DACH1: variants seen among roughly 807,000 people sequenced by gnomAD.
DACH1 encodes the protein dachshund homolog 1.
DACH1 carries 12 observed loss-of-function variants against 54.2 expected under a neutral mutation model. The observed-to-expected ratio is 0.22, with a 90% CI of 0.14 to 0.36. DACH1 has a LOEUF of 0.36. Among genes scored for constraint, DACH1 ranks in the 10% least tolerant of loss-of-function variants. The pLI is 1.00. For missense variants in DACH1, 805 were observed against 929.8 expected (o/e 0.87, Z 1.75); for synonymous variants, 386 against 366.2 (o/e 1.05, Z -0.62).
chr13:71,639,068 A>G (rs1877706901), intron 2 of DACH1, among the ~76,000 whole-genome samples: 1 of 152,142 alleles, frequency 6.6e-6, no homozygotes, highest in Admixed American at 6.6e-5. Flanking sequence ...AAATCACTCC[A>G]AGTCTTAGAA....
chr13:71,653,010 T>C (rs1051014977), intron 2 of DACH1, among the ~76,000 whole-genome samples: 37 of 152,182 alleles, frequency 2.4e-4, no homozygotes, highest in African/African-American at 8.9e-4. Context: ...TGAGACCTCA[T>C]CTTTCTACAT....
intron 1 of DACH1, among the ~76,000 whole-genome samples, chr13:71,716,330 G>A (rs1257036509): frequency 6.6e-6 from 1 of 152,040 alleles, no homozygotes; most frequent in Admixed American, 6.6e-5. Flanking sequence ...CACATTCAGT[G>A]CCTTCTGCGA....
chr13:71,515,969 C>T (rs1012919847), intron 6 of DACH1, among the ~76,000 whole-genome samples: 3 of 151,748 alleles, frequency 2.0e-5, no homozygotes, highest in African/African-American at 7.3e-5. Context: ...ACGATTCTGC[C>T]CTCCAACTTA....
intron 1 of DACH1, among the ~76,000 whole-genome samples, chr13:71,834,931 A>C (rs1888724479): frequency 6.6e-6 from 1 of 152,144 alleles, no homozygotes; most frequent in African/African-American, 2.4e-5. Flanking sequence ...CCCTTTTCCC[A>C]CATTTGTCTT....
chr13:71,852,442 G>C, intron 1 of DACH1, among the ~76,000 whole-genome samples: 1 of 151,960 alleles, frequency 6.6e-6, no homozygotes, highest in East Asian at 1.9e-4. Context: ...TTTAAGTGAA[G>C]GAATGAACAA....
At chr13:71,531,239 CTT>C (rs1472451010) in intron 6 of DACH1, among the ~76,000 whole-genome samples, 2 of 151,892 alleles carry the variant, frequency 1.3e-5, no homozygotes, top group African/African-American at 2.4e-5. Flanking sequence ...GATTTTATGT[CTT>C]ATTAAATTAT....
At chr13:71,697,802 T>A (rs1443645912) in intron 1 of DACH1, among the ~76,000 whole-genome samples, 1 of 152,194 alleles carries the variant, frequency 6.6e-6, no homozygotes, top group Non-Finnish European at 1.5e-5. Context: ...ATAATGCATT[T>A]AATACCATTG....
intron 1 of DACH1, among the ~76,000 whole-genome samples, chr13:71,850,285 C>T (rs1354288950): frequency 2.6e-5 from 4 of 152,168 alleles, no homozygotes; most frequent in Non-Finnish European, 4.4e-5. Flanking sequence ...AATTTATGTT[C>T]ATTTCATGAG....
At chr13:71,604,479 G>A (rs1345526161) in intron 3 of DACH1, among the ~76,000 whole-genome samples, 1 of 151,858 alleles carries the variant, frequency 6.6e-6, no homozygotes, top group African/African-American at 2.4e-5. Flanking sequence ...CCATTACCAT[G>A]CACTCAGAAG....
rs922300881 is a variant in DACH1 at position 71,833,065 on chromosome 13, T to C, written c.848+32857A>G. ...GCGCTCCCTTCAGAATCTTCTGAGA[T>C]CTATGTGAATAGAACGTTTTGAAAG... On this transcript the variant is annotated intron_variant, in intron 1 of 10. Transcript: ENST00000613252. Among the ~76,000 whole-genome samples the C allele has an allele frequency of 4.6e-5, 7 of 152,060 alleles. No individual in the cohort carries two copies. In the East Asian group the frequency reaches 1.4e-3, roughly 29 times the overall value.
intron 2 of DACH1, chr13:71,675,429 A>G: frequency 6.9e-7 from 1 of 1,449,182 alleles, no homozygotes; most frequent in South Asian, 1.2e-5. Context: ...CAATTATGCC[A>G]AAAGACATCC....
At chr13:71,577,201 C>T (rs538503444) in intron 3 of DACH1, among the ~76,000 whole-genome samples, 22 of 152,240 alleles carry the variant, frequency 1.4e-4, no homozygotes, top group Admixed American at 1.3e-3. Flanking sequence ...CCAGCCTGCT[C>T]CCTTCTCCTC....
rs1386005010 is a variant in DACH1 at position 71,439,158 on chromosome 13, T to C, written c.*1497A>G. ...CATTGAAGATTTTGCTGTTTTGTGG[T>C]AATAAATAATGTTACGATCATACAA... On this transcript the variant is annotated 3_prime_UTR_variant, in exon 11 of 11. Coordinates refer to ENST00000613252, the MANE Select transcript of DACH1 (RefSeq NM_080759.6). 6.6e-6 allele frequency: 1 copy of C among 152,472 alleles called. No homozygotes were observed. Among genetic ancestry groups the C allele is most frequent in the Admixed American group, 6.6e-5 (1 of 15,238 alleles). 9.4% of individuals were successfully genotyped at this position (152,472 alleles called of 1,614,324 possible).
intron 2 of DACH1, among the ~76,000 whole-genome samples, chr13:71,645,733 C>T (rs1032781441): frequency 4.6e-5 from 7 of 152,330 alleles, no homozygotes; most frequent in Admixed American, 3.9e-4. Flanking sequence ...AGAACGTGCT[C>T]ATGCCTGCAA....
chr13:71,661,014 G>C (rs2138651700), intron 2 of DACH1, among the ~76,000 whole-genome samples: 1 of 149,204 alleles, frequency 6.7e-6, no homozygotes, highest in African/African-American at 2.4e-5. Flanking sequence ...CATTGTTATA[G>C]AAAAAGATTG....
intron 2 of DACH1, among the ~76,000 whole-genome samples, chr13:71,656,749 C>T (rs1402971288): frequency 6.7e-6 from 1 of 149,694 alleles, no homozygotes; most frequent in African/African-American, 2.5e-5. Flanking sequence ...TCAATCTGTA[C>T]CATGGGAAAG....
chr13:71,630,616 GATA>G lies in DACH1; in HGVS notation c.1063_1065del (p.Tyr355del), dbSNP rs1877024017. 6.2e-7 allele frequency: 1 copy of G among 1,611,726 alleles called. No individual in the cohort carries two copies. The highest frequency in any genetic ancestry group is 1.7e-5 in the Admixed American group (1 of 59,304). On this transcript the variant is annotated inframe_deletion, in exon 3 of 11. Transcript: ENST00000613252. The stretch of plus-strand genomic sequence containing the variant: ...GCTCCATGTTGGTTATTACTGGCAT[GATA>G]GTTGCTCATGGCTTCTAATTTGATT...
intron 7 of DACH1, among the ~76,000 whole-genome samples, chr13:71,483,569 TA>T (rs1878242561): frequency 2.0e-5 from 3 of 147,698 alleles, no homozygotes; most frequent in African/African-American, 7.4e-5. Flanking sequence ...AAATTATAAT[TA>T]AAATTATATA....
At chr13:71,576,764 T>A (rs1425267098) in intron 3 of DACH1, among the ~76,000 whole-genome samples, 1 of 152,136 alleles carries the variant, frequency 6.6e-6, no homozygotes, top group African/African-American at 2.4e-5. Flanking sequence ...TCTAGTTAAC[T>A]GTCATCTCTG....
Sources: gnomAD v4.1 joint callset for allele counts (sites outside exome capture counted in the v4.1 genomes callset) on GRCh38, gnomAD v4.1.1 for gene constraint, MANE v1.5 for transcripts, NCBI Gene and HGNC (gene_info 2026-07-23, HGNC 2026-07-21) for gene names.